TRIO: variants seen among roughly 807,000 people sequenced by gnomAD.
The protein encoded by TRIO is trio Rho guanine nucleotide exchange factor, also known as triple functional domain protein.
A neutral mutation model predicts 351.9 loss-of-function variants in TRIO; 58 were observed. That is an observed-to-expected ratio of 0.16 (90% CI 0.13 to 0.21). The LOEUF (loss-of-function observed/expected upper bound fraction) is 0.21, where lower values mean the gene tolerates loss of function less well. Ranked by LOEUF, TRIO falls within the 10% of genes least tolerant of loss-of-function variation. The pLI is 1.00. For synonymous variants in TRIO, 1,758 were observed against 1,595.7 expected, an observed-to-expected ratio of 1.10 and a Z score of -2.42; for missense variants, 3,201 against 4,027.8, an observed-to-expected ratio of 0.79 and a Z score of 5.56.
chr5:14,143,675 G>C lies in TRIO; in HGVS notation c.-51G>C. 1 of 938,028 alleles carries C rather than the reference G, an allele frequency of 1.1e-6. No homozygotes were observed. The highest frequency in any genetic ancestry group is 1.3e-6 in the Non-Finnish European group (1 of 790,522). 58.1% of individuals were successfully genotyped at this position (938,028 alleles called of 1,614,324 possible). On this transcript the variant is annotated 5_prime_UTR_variant, in exon 1 of 57. Transcript: ENST00000344204. ...CGGCGCGGAGCGGGCGGCACGCGGC[G>C]CTAGGGGCGCGGGGCCCGAGGCGGG...
In TRIO at chr5:14,387,631, C is replaced by T. The variant is rs201215276; in HGVS notation, c.3764C>T (p.Ser1255Leu). ...GGGATTTCTTCAGATTCCAACAAAT[C>T]GGTAAATGGCCTTGTGCAAACTGAA... ...ALGISSDSNK[S>L]SKSLQLDIIP... is the part of the protein sequence containing the mutation. Residue 1255 changes from serine to leucine, a missense_variant and splice_region_variant, in exon 22 of 57, where the codon TCG becomes TTG. By Grantham distance (145) the Ser-to-Leu change is moderately radical. Around this residue, in one of 19 missense-constraint regions of TRIO, gnomAD observed 201 missense variants for 266.5 expected, o/e 0.75. Coordinates refer to ENST00000344204, the MANE Select transcript of TRIO (RefSeq NM_007118.4). 7.5e-6 allele frequency: 12 copies of T among 1,609,942 alleles called. No individual in the cohort carries two copies. The highest frequency in any genetic ancestry group is 4.5e-5 in the East Asian group (2 of 44,780).
At chr5:14,203,901 A>G (rs26057) in intron 1 of TRIO, among the ~76,000 whole-genome samples, 131,386 of 152,284 alleles carry the variant, frequency 0.86, 56,828 homozygotes, top group East Asian at 0.99. Context: ...AGCCCTTGTT[A>G]ATTGTGCACT....
At chr5:14,478,124 C>T (rs192491203) in intron 41 of TRIO, among the ~76,000 whole-genome samples, 3 of 152,160 alleles carry the variant, frequency 2.0e-5, no homozygotes, top group East Asian at 3.8e-4. Context: ...ACTCACAACT[C>T]GGTTACATAA....
intron 1 of TRIO, among the ~76,000 whole-genome samples, chr5:14,152,856 C>T (rs1350411659): frequency 6.6e-6 from 1 of 152,230 alleles, no homozygotes; most frequent in East Asian, 1.9e-4. Flanking sequence ...CTCTTCATGG[C>T]AGGGGCTTCA....
chr5:14,337,411 G>T (rs929423972), intron 11 of TRIO, among the ~76,000 whole-genome samples: 6 of 152,124 alleles, frequency 3.9e-5, no homozygotes, highest in Non-Finnish European at 7.3e-5. Context: ...ATTGAGTAGG[G>T]ATGTCAACTT....
At chr5:14,471,905 G>A (rs938054073) in intron 38 of TRIO, among the ~76,000 whole-genome samples, 1 of 151,694 alleles carries the variant, frequency 6.6e-6, no homozygotes, top group African/African-American at 2.4e-5. Flanking sequence ...GTTTAAACTT[G>A]CCTTTGGAGA....
At chr5:14,178,141 G>C (rs565753189) in intron 1 of TRIO, among the ~76,000 whole-genome samples, 2 of 152,104 alleles carry the variant, frequency 1.3e-5, no homozygotes, top group Non-Finnish European at 1.5e-5. Context: ...TAGTCTGCTA[G>C]GGCAGAGATT....
intron 49 of TRIO, 140 bp from the exon 50 acceptor site, chr5:14,496,739 C>A: frequency 9.3e-7 from 1 of 1,080,112 alleles, no homozygotes; most frequent in Non-Finnish European, 1.3e-6. Context: ...TTTTCTCTAA[C>A]AGAGGTCACA....
intron 34 of TRIO, among the ~76,000 whole-genome samples, chr5:14,446,561 C>T (rs777896660): frequency 1.3e-5 from 2 of 152,008 alleles, no homozygotes; most frequent in Admixed American, 6.5e-5. Flanking sequence ...TGTTGCATCC[C>T]GTAATGCTTT....
At chr5:14,398,750 A>T (rs1407174099) in intron 29 of TRIO, 130 bp from the exon 30 acceptor site, 3 of 820,094 alleles carry the variant, frequency 3.7e-6, no homozygotes, top group Non-Finnish European at 5.7e-6. Flanking sequence ...TCAGGATCAG[A>T]TGGGAAACTC....
intron 9 of TRIO, among the ~76,000 whole-genome samples, chr5:14,320,531 AC>A (rs1487476396): frequency 6.6e-6 from 1 of 151,872 alleles, no homozygotes; most frequent in Non-Finnish European, 1.5e-5. Context: ...TGTGAGCGCC[AC>A]CCCCTTGCAA....
intron 35 of TRIO, 85 bp from the exon 36 acceptor site, chr5:14,462,670 C>T: frequency 6.4e-7 from 1 of 1,558,282 alleles, no homozygotes; most frequent in South Asian, 1.2e-5. Flanking sequence ...CAGTCTCTGT[C>T]CCCACCTTGC....
At chr5:14,401,109 T>C in intron 31 of TRIO, 45 bp downstream of exon 31, 1 of 1,507,618 alleles carries the variant, frequency 6.6e-7, no homozygotes, top group Non-Finnish European at 9.2e-7. Context: ...AAACATTTAC[T>C]GTGGCCATCC....
intron 1 of TRIO, among the ~76,000 whole-genome samples, chr5:14,237,875 A>G (rs528678342): frequency 1.6e-4 from 25 of 152,284 alleles, no homozygotes; most frequent in African/African-American, 5.8e-4. Context: ...GGAGGTTGCT[A>G]CTATTTGAGG....
At chr5:14,256,018 C>G (rs1440347149) in intron 1 of TRIO, among the ~76,000 whole-genome samples, 1 of 152,152 alleles carries the variant, frequency 6.6e-6, no homozygotes, top group Admixed American at 6.5e-5. Context: ...CTAGTCTGTT[C>G]TTTTGTTGCT....
chr5:14,485,318 C>T (rs760762639), intron 47 of TRIO, 72 bp downstream of exon 47: 81 of 1,429,712 alleles, frequency 5.7e-5, no homozygotes, highest in Non-Finnish European at 7.3e-5. Flanking sequence ...CTTCCCTCTC[C>T]CATTCATATC....
intron 34 of TRIO, among the ~76,000 whole-genome samples, chr5:14,450,426 C>A (rs999165235): frequency 1.3e-5 from 2 of 152,104 alleles, no homozygotes; most frequent in African/African-American, 4.8e-5. Context: ...AGGGGCTGCG[C>A]AGGGAACGGT....
intron 24 of TRIO, 127 bp downstream of exon 24, chr5:14,388,806 A>G: frequency 2.7e-6 from 3 of 1,116,316 alleles, no homozygotes; most frequent in Non-Finnish European, 3.8e-6. Context: ...TTTTAAATGT[A>G]AAGTATGCTT....
At chr5:14,483,567 G>A (rs529827114) in intron 46 of TRIO, among the ~76,000 whole-genome samples, 6 of 152,288 alleles carry the variant, frequency 3.9e-5, no homozygotes, top group South Asian at 4.1e-4. Context: ...CCGACTCTCC[G>A]TTCAGGCTTT....
Sources: allele counts gnomAD v4.1 joint callset (sites outside exome capture counted in the v4.1 genomes callset), GRCh38; gene constraint gnomAD v4.1.1; regional missense constraint gnomAD v4.1.1; transcripts MANE v1.5; gene names NCBI Gene and HGNC (gene_info 2026-07-23, HGNC 2026-07-21).